Variants in ZFHX3 observed in about 807,000 individuals in gnomAD.
ZFHX3 encodes the protein zinc finger homeobox protein 3.
ZFHX3 carries 42 observed loss-of-function variants against 279.1 expected under a neutral mutation model. The ratio of observed to expected loss-of-function variants is 0.15; its 90% CI spans 0.12 to 0.19. The LOEUF (loss-of-function observed/expected upper bound fraction) is 0.19, where lower values mean the gene tolerates loss of function less well. ZFHX3 is among the 10% of genes least tolerant of loss of function. ZFHX3 has a pLI of 1.00. For missense variants in ZFHX3, 4,981 were observed against 4,754.0 expected, an observed-to-expected ratio of 1.05 and a Z score of -1.40; for synonymous variants, 2,293 against 1,957.8, an observed-to-expected ratio of 1.17 and a Z score of -4.52.
rs540837985 is a variant in ZFHX3 at position 72,785,574 on chromosome 16, T to C, written c.*1590A>G. 2 of 152,752 alleles carry C rather than the reference T, an allele frequency of 1.3e-5. No individual in the cohort carries two copies. Among genetic ancestry groups the C allele is most frequent in the East Asian group, 3.9e-4 (2 of 5,186 alleles). The allele number at this position is 152,752 out of a possible 1,614,324, so 9.5% of individuals were successfully genotyped here. ...AAATTCTCAAGTAACAAGAACCCTTTCCCTTTTTTCTGCATCAGCAGTGAA... is the reference window on the plus strand; with the variant it reads ...AAATTCTCAAGTAACAAGAACCCTTCCCCTTTTTTCTGCATCAGCAGTGAA... On this transcript the variant is annotated 3_prime_UTR_variant, in exon 10 of 10. Transcript: ENST00000268489.
At chr16:73,507,472 T>C (rs911019885) in intron 2 of ZFHX3, among the ~76,000 whole-genome samples, 7 of 147,348 alleles carry the variant, frequency 4.8e-5, no homozygotes, top group African/African-American at 1.5e-4. Flanking sequence ...ATGCGTGAAA[T>C]TCAGCTCTGC....
intron 2 of ZFHX3, among the ~76,000 whole-genome samples, chr16:73,612,665 A>T (rs1373393245): frequency 6.6e-6 from 1 of 152,202 alleles, no homozygotes; most frequent in Non-Finnish European, 1.5e-5. Context: ...GACAAACAGG[A>T]ATTGAAGAGA....
intron 1 of ZFHX3, chr16:73,794,013 A>G (rs1959912376): frequency 6.6e-6 from 1 of 152,318 alleles, no homozygotes; most frequent in African/African-American, 2.4e-5. Context: ...CACATGTTAC[A>G]TGACACGAGA....
Position 73,624,360 on chromosome 16 carries a change from C to T in ZFHX3, c.-1547+55820G>A, listed in dbSNP as rs116043987. 6.3e-3 allele frequency among the ~76,000 whole-genome samples: 957 copies of T among 152,098 alleles called. 9 individuals are homozygous for T. The highest frequency in any genetic ancestry group is 0.022 in the African/African-American group (892 of 41,486). On this transcript the variant is annotated intron_variant, in intron 2 of 17. Transcript: ENST00000641206. ...TAAATCTGAATTTCATTGCCGTTATCGTGAGTTTAATATGAAAAAAGACCT... is the reference window on the plus strand; with the variant it reads ...TAAATCTGAATTTCATTGCCGTTATTGTGAGTTTAATATGAAAAAAGACCT...
At chr16:73,049,301 C>T (rs1965406637), upstream of ZFHX3, among the ~76,000 whole-genome samples, 2 of 152,210 alleles carry the variant, frequency 1.3e-5, no homozygotes, top group Non-Finnish European at 2.9e-5. Context: ...CCCAGGCTGG[C>T]CTTACAGCCT....
intron 8 of ZFHX3, among the ~76,000 whole-genome samples, chr16:73,069,340 G>A (rs1179306679): frequency 6.6e-6 from 1 of 152,196 alleles, no homozygotes; most frequent in Non-Finnish European, 1.5e-5. Context: ...TGTTAAGCGG[G>A]TGGCAGGGGG....
chr16:73,288,002 C>G (rs774895350), intron 4 of ZFHX3, among the ~76,000 whole-genome samples: 22 of 152,140 alleles, frequency 1.4e-4, no homozygotes, highest in Non-Finnish European at 2.8e-4. Context: ...CTCCCTCTCA[C>G]AGGATAGAGA....
chr16:73,405,160 G>A (rs952236851), intron 3 of ZFHX3, among the ~76,000 whole-genome samples: 1 of 152,172 alleles, frequency 6.6e-6, no homozygotes, highest in Non-Finnish European at 1.5e-5. Flanking sequence ...CTGAGCATCA[G>A]CGACCAAAGC....
intron 1 of ZFHX3, chr16:73,815,454 T>C (rs897771911): frequency 6.6e-5 from 10 of 152,190 alleles, no homozygotes; most frequent in Non-Finnish European, 7.3e-5. Context: ...GAAATCTTTC[T>C]CTTAATTCGA....
intron 1 of ZFHX3, among the ~76,000 whole-genome samples, chr16:73,720,748 T>C (rs1283381057): frequency 3.9e-5 from 6 of 152,352 alleles, no homozygotes; most frequent in Non-Finnish European, 7.3e-5. Flanking sequence ...TTCCAAATTT[T>C]CTACAGTGAG....
chr16:72,937,131 C>T (rs956346017), intron 3 of ZFHX3, among the ~76,000 whole-genome samples: 1 of 152,084 alleles, frequency 6.6e-6, no homozygotes, highest in African/African-American at 2.4e-5. Flanking sequence ...GCTAAGCCTG[C>T]GGAGTTCATT....
At chr16:73,485,181 C>T (rs8051981) in intron 2 of ZFHX3, among the ~76,000 whole-genome samples, 90,983 of 151,654 alleles carry the variant, frequency 0.6, 30,204 homozygotes, top group East Asian at 0.96. Context: ...TAAGAGGAAA[C>T]GGCAACTTGC....
At chr16:73,316,683 A>G (rs2015457088) in intron 4 of ZFHX3, among the ~76,000 whole-genome samples, 1 of 152,138 alleles carries the variant, frequency 6.6e-6, no homozygotes, top group Admixed American at 6.5e-5. Context: ...ACCTCAGCAA[A>G]TTCTTGCGAT....
intron 1 of ZFHX3, among the ~76,000 whole-genome samples, chr16:73,759,861 G>T (rs1210021428): frequency 4.3e-5 from 6 of 139,638 alleles, no homozygotes; most frequent in Admixed American, 3.8e-4. Context: ...TGATATTTGG[G>T]ATTGTCTTGG....
At position 72,959,011 on chromosome 16, in the gene ZFHX3, G is replaced by A. The variant is rs147445846; in HGVS notation, c.1135C>T (p.Leu379Phe). ...GGGCCAGCGGCGGAGCCCGCTGGGA[G>A]AGCTTCCTCCCCTTCCATTCGAATG... ...SGIRMEGEEA[L>F]PAGSAAGPEQ... The change falls in exon 2 of 10, where the codon CTC becomes TTC. Residue 379 changes from leucine to phenylalanine, a missense_variant. Transcript: ENST00000268489. The A allele has an allele frequency of 3.7e-6, 6 of 1,611,298 alleles. No individual in the cohort carries two copies. Among genetic ancestry groups the A allele is most frequent in the South Asian group, 1.1e-5 (1 of 90,736 alleles).
chr16:72,923,348 G>C (rs1959250103), intron 3 of ZFHX3, among the ~76,000 whole-genome samples: 1 of 151,926 alleles, frequency 6.6e-6, no homozygotes, highest in African/African-American at 2.4e-5. Context: ...GGGAGGCAGA[G>C]GTGGGAGGAT....
chr16:73,539,061 A>C (rs1048185132), intron 2 of ZFHX3, among the ~76,000 whole-genome samples: 1 of 152,212 alleles, frequency 6.6e-6, no homozygotes, highest in African/African-American at 2.4e-5. Flanking sequence ...AAATGACAGC[A>C]TTGAATTTTA....
chr16:73,653,998 C>A (rs370278169), intron 2 of ZFHX3, among the ~76,000 whole-genome samples: 90 of 152,078 alleles, frequency 5.9e-4, no homozygotes, highest in African/African-American at 2.2e-3. Context: ...TCCTGGCCAA[C>A]ATGGTGAAAC....
chr16:73,163,682 A>G (rs1273500786), intron 5 of ZFHX3, among the ~76,000 whole-genome samples: 1 of 152,210 alleles, frequency 6.6e-6, no homozygotes, highest in African/African-American at 2.4e-5. Context: ...GTTTCCTGCA[A>G]TGTTTGTGTG....
Sources: gnomAD v4.1 joint callset for allele counts (sites outside exome capture counted in the v4.1 genomes callset) on GRCh38, gnomAD v4.1.1 for gene constraint, MANE v1.5 for transcripts, NCBI Gene and HGNC (gene_info 2026-07-23, HGNC 2026-07-21) for gene names.